Variants in TANGO6 observed in about 807,000 individuals in gnomAD.
The protein encoded by TANGO6 is transport and Golgi organization protein 6 homolog.
Under a neutral mutation model 114.2 loss-of-function variants are expected in TANGO6, and 90 were observed. The observed-to-expected ratio is 0.79, with a 90% CI of 0.66 to 0.94. The LOEUF (loss-of-function observed/expected upper bound fraction) is 0.94, where lower values mean the gene tolerates loss of function less well. TANGO6 is among the 40% of genes least tolerant of loss of function. The pLI is 0.00. For synonymous variants in TANGO6, 477 were observed against 509.8 expected, an observed-to-expected ratio of 0.94 and a Z score of 0.87; for missense variants, 1,274 against 1,315.3, an observed-to-expected ratio of 0.97 and a Z score of 0.49.
rs1274765072 is a variant in TANGO6 at position 68,860,371 on chromosome 16, A to G, written c.582A>G (p.Arg194=). The G allele has an allele frequency of 1.2e-6, 2 of 1,613,920 alleles. No homozygotes were observed. Among genetic ancestry groups the G allele is most frequent in the South Asian group, 1.1e-5 (1 of 91,084 alleles). The change falls in exon 2 of 18, where the codon AGA becomes AGG. Residue 194 remains arginine (R), a synonymous_variant. Transcript: ENST00000261778. ...ATGCTGCCCCCGATGCAACTCGAAG[A>G]CTGTACACCAGCTGCAAGGCCCTTC... ...CFDAAPDATR[R]LYTSCKALLN...
intron 17 of TANGO6, 43 bp from the exon 18 acceptor site, chr16:69,083,442 C>A: frequency 6.4e-7 from 1 of 1,572,356 alleles, no homozygotes; most frequent in Non-Finnish European, 8.6e-7. Flanking sequence ...CTGAGAAATG[C>A]CGGCACAGTA....
chr16:69,023,908 T>G (rs1959455443), intron 16 of TANGO6, among the ~76,000 whole-genome samples: 1 of 152,032 alleles, frequency 6.6e-6, no homozygotes, highest in Admixed American at 6.6e-5. Context: ...TTTTTTATTA[T>G]TATTATTATT....
intron 17 of TANGO6, among the ~76,000 whole-genome samples, chr16:69,058,832 AT>A (rs112763486): frequency 4.7e-5 from 7 of 150,306 alleles, no homozygotes; most frequent in African/African-American, 1.7e-4. Flanking sequence ...CACCTGGCTA[AT>A]TTTTTTGTAT....
At chr16:68,874,449 T>C (rs1464001096) in intron 4 of TANGO6, among the ~76,000 whole-genome samples, 1 of 152,226 alleles carries the variant, frequency 6.6e-6, no homozygotes, top group Non-Finnish European at 1.5e-5. Context: ...TGTCCAATTT[T>C]ATAATTGCTT....
intron 4 of TANGO6, among the ~76,000 whole-genome samples, chr16:68,873,713 T>C (rs981896285): frequency 6.6e-6 from 1 of 152,214 alleles, no homozygotes; most frequent in Non-Finnish European, 1.5e-5. Context: ...TGCTTGGTAA[T>C]TTTTGACTGG....
chr16:69,067,719 C>G (rs1222242670), intron 17 of TANGO6, among the ~76,000 whole-genome samples: 3 of 151,856 alleles, frequency 2.0e-5, no homozygotes, highest in Non-Finnish European at 4.4e-5. Context: ...GGGCGGATCA[C>G]TTGAAGTTGG....
intron 12 of TANGO6, among the ~76,000 whole-genome samples, chr16:68,924,302 C>T (rs949270878): frequency 6.6e-6 from 1 of 152,226 alleles, no homozygotes; most frequent in Non-Finnish European, 1.5e-5. Context: ...GTGGCTCACG[C>T]CTATAATCCC....
At chr16:69,060,208 A>T (rs980071190) in intron 17 of TANGO6, among the ~76,000 whole-genome samples, 1 of 152,072 alleles carries the variant, frequency 6.6e-6, no homozygotes, top group African/African-American at 2.4e-5. Context: ...AATAGAGATG[A>T]GGTTTCACCA....
rs2152157116 is a variant in TANGO6 at position 68,860,172 on chromosome 16, T to C, written c.383T>C (p.Val128Ala). 1 of 1,614,014 alleles carries C rather than the reference T, an allele frequency of 6.2e-7. No individual in the cohort carries two copies. The highest frequency in any genetic ancestry group is 8.5e-7 in the Non-Finnish European group (1 of 1,179,882). The change falls in exon 2 of 18, where the codon GTT (valine) becomes GCT (alanine). Residue 128 changes from valine (V) to alanine (A), a missense_variant. Around this residue, in one of 5 missense-constraint regions of TANGO6, gnomAD observed 908 missense variants for 910.2 expected, o/e 1.00. Coordinates refer to ENST00000261778, the MANE Select transcript of TANGO6 (RefSeq NM_024562.2). ...PGKPNPRTPE[V>A]APALSPDALS... ...AAACCCAACCCTAGGACTCCGGAAG[T>C]TGCTCCTGCCCTGAGCCCCGATGCA...
intron 17 of TANGO6, among the ~76,000 whole-genome samples, chr16:69,072,446 C>T (rs569015727): frequency 5.3e-5 from 8 of 152,158 alleles, no homozygotes; most frequent in Non-Finnish European, 8.8e-5. Flanking sequence ...TGAGAGGTTT[C>T]CGCTGTGGGA....
At chr16:69,079,723 TAAG>T (rs1293901239) in intron 17 of TANGO6, among the ~76,000 whole-genome samples, 10 of 152,122 alleles carry the variant, frequency 6.6e-5, no homozygotes, top group Admixed American at 5.9e-4. Context: ...TTAGCAAAAA[TAAG>T]GAGTTTACAA....
At chr16:68,950,403 C>T (rs750652917) in intron 14 of TANGO6, among the ~76,000 whole-genome samples, 7 of 152,160 alleles carry the variant, frequency 4.6e-5, no homozygotes, top group Non-Finnish European at 8.8e-5. Flanking sequence ...CCCATCTCTA[C>T]GAAAAATACG....
intron 5 of TANGO6, among the ~76,000 whole-genome samples, chr16:68,877,042 C>A (rs1360368460): frequency 6.6e-6 from 1 of 152,072 alleles, no homozygotes; most frequent in Non-Finnish European, 1.5e-5. Flanking sequence ...GGAAAAATTC[C>A]TAGAATTGAA....
intron 14 of TANGO6, among the ~76,000 whole-genome samples, chr16:68,972,782 A>G (rs1315647931): frequency 6.6e-6 from 1 of 152,174 alleles, no homozygotes; most frequent in Non-Finnish European, 1.5e-5. Flanking sequence ...GAGAGGAGTA[A>G]AGAGTGGCAG....
intron 17 of TANGO6, among the ~76,000 whole-genome samples, chr16:69,062,539 C>A (rs112354401): frequency 6.6e-6 from 1 of 151,854 alleles, no homozygotes; most frequent in South Asian, 2.1e-4. Flanking sequence ...GTGGCGTGAT[C>A]TCGGCTCACT....
intron 1 of TANGO6, among the ~76,000 whole-genome samples, chr16:68,848,022 A>G (rs1490617529): frequency 6.8e-6 from 1 of 147,766 alleles, no homozygotes; most frequent in Non-Finnish European, 1.5e-5. Flanking sequence ...AAAAAAAACT[A>G]TTGCAAATTT....
intron 2 of TANGO6, among the ~76,000 whole-genome samples, chr16:68,861,105 T>C (rs145264348): frequency 6.6e-6 from 1 of 152,298 alleles, no homozygotes; most frequent in African/African-American, 2.4e-5. Context: ...GTGGAGATCA[T>C]AGACACATAA....
intron 4 of TANGO6, among the ~76,000 whole-genome samples, chr16:68,869,399 G>T (rs1350011845): frequency 6.6e-6 from 1 of 152,174 alleles, no homozygotes; most frequent in Non-Finnish European, 1.5e-5. Context: ...GATTGCTGGA[G>T]CCCTGGAATT....
intron 15 of TANGO6, among the ~76,000 whole-genome samples, chr16:68,980,480 G>A (rs1215046631): frequency 7.2e-6 from 1 of 139,356 alleles, no homozygotes; most frequent in East Asian, 2.1e-4. Flanking sequence ...TGTTGCCCAG[G>A]CTGGGCTTGA....
Sources: allele counts gnomAD v4.1 joint callset (sites outside exome capture counted in the v4.1 genomes callset), GRCh38; gene constraint gnomAD v4.1.1; regional missense constraint gnomAD v4.1.1; transcripts MANE v1.5; gene names NCBI Gene and HGNC (gene_info 2026-07-23, HGNC 2026-07-21).